Variants in POU3F3 observed in about 807,000 individuals in gnomAD.
The protein encoded by POU3F3 is POU class 3 homeobox 3.
POU3F3 carries 1 observed loss-of-function variant against 8.6 expected under a neutral mutation model. The ratio of observed to expected loss-of-function variants is 0.12; its 90% confidence interval spans 0.04 to 0.55. The LOEUF (loss-of-function observed/expected upper bound fraction) is 0.55, where lower values mean the gene tolerates loss of function less well. POU3F3 is among the 20% of genes least tolerant of loss of function. POU3F3 has a pLI of 0.91. For missense variants in POU3F3, 577 were observed against 690.7 expected (o/e 0.84, Z 1.84); for synonymous variants, 418 against 327.4 (o/e 1.28, Z -2.99).
At chr2:104,866,067 G>A in the POU3F3 span, 8 of 152,260 alleles carry the variant, frequency 5.3e-5, no homozygotes, top group Admixed American at 2.0e-4. Context: ...TACTTTGTAC[G>A]CCTTAAAGAC....
chr2:104,854,283 C>T lies in POU3F3; in HGVS notation c.-1228C>T, dbSNP rs954005208. On this transcript the variant is annotated 5_prime_UTR_variant, in exon 1 of 1. Coordinates refer to ENST00000361360, the MANE Select transcript of POU3F3 (RefSeq NM_006236.3). The surrounding 1 kb of genome is among the most constrained non-coding windows in gnomAD (Gnocchi z 4.5). ...AGCGAGCTCCTGCTGCAACTCTGCT[C>T]CAGCACGGCCAGCGCCAGCGCCCGC... 3.9e-5 allele frequency among the ~76,000 whole-genome samples: 6 copies of T among 152,070 alleles called. No individual in the cohort carries two copies. The highest frequency in any genetic ancestry group is 1.4e-4 in the African/African-American group (6 of 41,394).
Position 104,857,093 on chromosome 2 carries a change from CGCCGCCGCCGCCGCCGCCGCCGCT to C in POU3F3, c.*92_*115del, listed in dbSNP as rs963407620. On this transcript the variant is annotated 3_prime_UTR_variant, in exon 1 of 1. Transcript: ENST00000361360. Reference sequence around the variant, plus strand: ...TCAGCACCGCCGCCGCCCCTGCCGCCGCCGCCGCCGCCGCCGCCGCCGCTGCCGCCGCCGCGCCGACCCTGCACC... The same window carrying C: ...TCAGCACCGCCGCCGCCCCTGCCGCCGCCGCCGCCGCGCCGACCCTGCACC... 3 of 970,730 alleles carry C rather than the reference CGCCGCCGCCGCCGCCGCCGCCGCT, an allele frequency of 3.1e-6. No individual in the cohort carries two copies. The highest frequency in any genetic ancestry group is 1.8e-5 in the African/African-American group (1 of 56,100). The allele number at this position is 970,730 out of a possible 1,614,324, so 60.1% of individuals were successfully genotyped here.
the POU3F3 span, among the ~76,000 whole-genome samples, chr2:104,895,510 T>C: frequency 6.6e-6 from 1 of 152,172 alleles, no homozygotes; most frequent in African/African-American, 2.4e-5. Context: ...AATCTAGAAA[T>C]TATAACTGTA....
upstream of POU3F3, chr2:104,853,617 G>A (rs72947661): frequency 0.017 from 2,577 of 152,484 alleles, 62 homozygotes; most frequent in African/African-American, 0.057. Context: ...ACAAATCTCT[G>A]GCGGGGCGGG....
the POU3F3 span, among the ~76,000 whole-genome samples, chr2:104,919,182 T>C: frequency 1.3e-5 from 2 of 152,194 alleles, no homozygotes; most frequent in South Asian, 4.1e-4. Flanking sequence ...ATGAAAACAT[T>C]TTATGCTAGC....
chr2:104,906,403 T>C, the POU3F3 span, among the ~76,000 whole-genome samples: 2 of 152,226 alleles, frequency 1.3e-5, no homozygotes, highest in Non-Finnish European at 2.9e-5. Flanking sequence ...CCCAGTACAA[T>C]GTCTCCCAGT....
chr2:104,891,011 A>G, the POU3F3 span, among the ~76,000 whole-genome samples: 1 of 152,220 alleles, frequency 6.6e-6, no homozygotes, highest in Non-Finnish European at 1.5e-5. Context: ...CTAGCTGTGC[A>G]GCCCTGAGCG....
chr2:104,914,503 C>G, the POU3F3 span, among the ~76,000 whole-genome samples: 1 of 152,102 alleles, frequency 6.6e-6, no homozygotes, highest in Non-Finnish European at 1.5e-5. Flanking sequence ...GGAGAAAATT[C>G]CCTATATTTG....
At chr2:104,883,258 C>T in the POU3F3 span, among the ~76,000 whole-genome samples, 11 of 152,368 alleles carry the variant, frequency 7.2e-5, no homozygotes, top group Non-Finnish European at 1.6e-4. Flanking sequence ...CACAGCAGCA[C>T]AGCATCATGT....
the POU3F3 span, among the ~76,000 whole-genome samples, chr2:104,893,251 G>A: frequency 5.3e-5 from 8 of 152,204 alleles, no homozygotes; most frequent in Admixed American, 2.6e-4. Flanking sequence ...GAAACTCTCC[G>A]ATGGTGAGGA....
At chr2:104,923,666 G>C in the POU3F3 span, among the ~76,000 whole-genome samples, 2 of 152,124 alleles carry the variant, frequency 1.3e-5, no homozygotes, top group Non-Finnish European at 2.9e-5. Flanking sequence ...AATGACACAA[G>C]TAAGTTTCTC....
At chr2:104,874,344 G>T in the POU3F3 span, among the ~76,000 whole-genome samples, 2 of 152,210 alleles carry the variant, frequency 1.3e-5, no homozygotes, top group Non-Finnish European at 2.9e-5. Flanking sequence ...GGAGCTTGAG[G>T]AGGCGCAGGC....
the POU3F3 span, among the ~76,000 whole-genome samples, chr2:104,922,471 T>G: frequency 7.2e-6 from 1 of 138,990 alleles, no homozygotes; most frequent in Non-Finnish European, 1.6e-5. Context: ...AAAATATCAA[T>G]AGAAGAAACC....
the POU3F3 span, among the ~76,000 whole-genome samples, chr2:104,904,885 A>C: frequency 2.0e-5 from 3 of 152,108 alleles, no homozygotes; most frequent in Non-Finnish European, 2.9e-5. Context: ...TGGGAAGAGA[A>C]AGGCAGAGAA....
At chr2:104,910,055 T>C in the POU3F3 span, among the ~76,000 whole-genome samples, 1 of 152,202 alleles carries the variant, frequency 6.6e-6, no homozygotes, top group Non-Finnish European at 1.5e-5. Context: ...CATTTCGTCA[T>C]TTTTGTTATT....
the POU3F3 span, among the ~76,000 whole-genome samples, chr2:104,891,131 C>T: frequency 4.0e-5 from 6 of 151,898 alleles, no homozygotes; most frequent in African/African-American, 7.3e-5. Context: ...AGCAAGCAAC[C>T]GGCACCACAC....
the POU3F3 span, among the ~76,000 whole-genome samples, chr2:104,918,802 G>A: frequency 6.6e-6 from 1 of 151,834 alleles, no homozygotes; most frequent in Non-Finnish European, 1.5e-5. Flanking sequence ...AATACATAGA[G>A]TAATTATAAC....
chr2:104,923,571 C>T, the POU3F3 span, among the ~76,000 whole-genome samples: 4 of 151,860 alleles, frequency 2.6e-5, no homozygotes, highest in Admixed American at 6.6e-5. Flanking sequence ...AAACATTTTA[C>T]TACAAAAAAA....
chr2:104,865,741 G>C, the POU3F3 span: 3 of 152,236 alleles, frequency 2.0e-5, no homozygotes, highest in African/African-American at 7.2e-5. Flanking sequence ...TGTGAGGGGG[G>C]CTAGCCAGAT....
Sources: allele counts gnomAD v4.1 joint callset (sites outside exome capture counted in the v4.1 genomes callset), GRCh38; gene constraint gnomAD v4.1.1; non-coding constraint Gnocchi (gnomAD v3.1); transcripts MANE v1.5; gene names NCBI Gene and HGNC (gene_info 2026-07-23, HGNC 2026-07-21).